Variants in GABBR2 observed in about 807,000 individuals in gnomAD.
GABBR2 encodes the protein gamma-aminobutyric acid type B receptor subunit 2.
Under a neutral mutation model 105.6 loss-of-function variants are expected in GABBR2, and 23 were observed. The observed-to-expected ratio is 0.22, with a 90% CI of 0.16 to 0.31. The LOEUF (loss-of-function observed/expected upper bound fraction) is 0.31. Among genes scored for constraint, GABBR2 ranks in the 10% least tolerant of loss-of-function variants. The pLI, the probability that GABBR2 is intolerant of heterozygous loss-of-function variation, is 1.00. For synonymous variants in GABBR2, 478 were observed against 499.7 expected (o/e 0.96, Z 0.58); for missense variants, 734 against 1,245.5 (o/e 0.59, Z 6.18).
chr9:98,494,157 G>A (rs1371302593), intron 4 of GABBR2, among the ~76,000 whole-genome samples: 3 of 152,194 alleles, frequency 2.0e-5, no homozygotes, highest in Admixed American at 6.5e-5. Flanking sequence ...GAAAGGCAAG[G>A]AAGAGCCCTA....
At chr9:98,324,075 C>A (rs191371645) in intron 13 of GABBR2, among the ~76,000 whole-genome samples, 10 of 152,292 alleles carry the variant, frequency 6.6e-5, no homozygotes, top group South Asian at 2.1e-4. Flanking sequence ...CTGGAACTTA[C>A]CCAAGCTCAC....
intron 1 of GABBR2, among the ~76,000 whole-genome samples, chr9:98,643,170 G>A (rs1829989163): frequency 6.6e-6 from 1 of 152,256 alleles, no homozygotes; most frequent in Non-Finnish European, 1.5e-5. Context: ...TGGGCACTCG[G>A]AGGGGAGAGG....
intron 1 of GABBR2, among the ~76,000 whole-genome samples, chr9:98,683,835 C>T (rs986830360): frequency 8.6e-5 from 13 of 151,542 alleles, no homozygotes; most frequent in South Asian, 4.2e-4. Context: ...CGGTGAAACC[C>T]GTCTCTACTA....
At chr9:98,351,605 T>A (rs1166201919) in intron 13 of GABBR2, among the ~76,000 whole-genome samples, 1 of 152,222 alleles carries the variant, frequency 6.6e-6, no homozygotes, top group Non-Finnish European at 1.5e-5. Flanking sequence ...TTTTTGAAGC[T>A]CTCAATTGTG....
intron 6 of GABBR2, among the ~76,000 whole-genome samples, chr9:98,455,109 T>A (rs1826303064): frequency 6.6e-6 from 1 of 152,192 alleles, no homozygotes; most frequent in South Asian, 2.1e-4. Context: ...TGCTATTCCA[T>A]CTACCTTCCA....
At chr9:98,487,512 T>G (rs967882525) in intron 4 of GABBR2, among the ~76,000 whole-genome samples, 2 of 152,132 alleles carry the variant, frequency 1.3e-5, no homozygotes, top group Admixed American at 6.5e-5. Context: ...CAGTGGCTCA[T>G]GCCTGTAATC....
rs73657140 is a variant in GABBR2, at chr9:98,328,468, A to G, written c.1894-17263T>C. The stretch of plus-strand genomic sequence containing the variant: ...TTTTAGAAATGGGAACTGGGCCCGC[A>G]TATGCCAATGAGCAAGGCAAAATGG... On this transcript the variant is annotated intron_variant, in intron 13 of 18. Coordinates refer to ENST00000259455, the MANE Select transcript of GABBR2 (RefSeq NM_005458.8). 9.9e-3 allele frequency among the ~76,000 whole-genome samples: 1,506 copies of G among 152,308 alleles called. 26 individuals are homozygous for G. The highest frequency in any genetic ancestry group is 0.034 in the African/African-American group (1,398 of 41,562).
At chr9:98,371,601 A>C in intron 11 of GABBR2, 30 bp from the exon 12 acceptor site, 1 of 1,248,662 alleles carries the variant, frequency 8.0e-7, no homozygotes, top group Non-Finnish European at 1.2e-6. Flanking sequence ...AGAGGCATTG[A>C]CCTTCCTTAG....
At chr9:98,695,708 C>T (rs984694392) in intron 1 of GABBR2, among the ~76,000 whole-genome samples, 8 of 152,166 alleles carry the variant, frequency 5.3e-5, no homozygotes, top group Non-Finnish European at 8.8e-5. Flanking sequence ...CAGGTCAACC[C>T]TCAAAATAAC....
At position 98,378,405 on chromosome 9, in the gene GABBR2, G is replaced by C. The variant is rs1366908304; in HGVS notation, c.1663-6834C>G. Reference sequence around the variant, plus strand: ...CCTGCTTCCCGAGGTTCGAGGGTGGGGGCCACAATCCAGTGTCTTCCAGCC... The same window carrying C: ...CCTGCTTCCCGAGGTTCGAGGGTGGCGGCCACAATCCAGTGTCTTCCAGCC... On this transcript the variant is annotated intron_variant, in intron 11 of 18. Coordinates refer to ENST00000259455, the MANE Select transcript of GABBR2 (RefSeq NM_005458.8). 2.6e-5 allele frequency among the ~76,000 whole-genome samples: 4 copies of C among 152,274 alleles called. No homozygotes were observed. In the South Asian group the frequency reaches 8.3e-4, roughly 32 times the overall value.
intron 13 of GABBR2, among the ~76,000 whole-genome samples, chr9:98,342,281 T>C (rs1297288785): frequency 6.6e-6 from 1 of 151,798 alleles, no homozygotes; most frequent in East Asian, 1.9e-4. Context: ...GGGTAGAAGG[T>C]GCGCAGGCAT....
intron 2 of GABBR2, among the ~76,000 whole-genome samples, chr9:98,575,749 T>C (rs1221985939): frequency 6.6e-6 from 1 of 152,108 alleles, no homozygotes; most frequent in East Asian, 1.9e-4. Context: ...TTCAGGTGTG[T>C]GGTTAGGTTT....
chr9:98,344,543 C>T (rs1044574959), intron 13 of GABBR2, among the ~76,000 whole-genome samples: 2 of 151,966 alleles, frequency 1.3e-5, no homozygotes, highest in Non-Finnish European at 2.9e-5. Flanking sequence ...GGGCATTTGT[C>T]TCTGGAGCCC....
At chr9:98,412,784 T>C (rs1272912346) in intron 7 of GABBR2, among the ~76,000 whole-genome samples, 3 of 152,324 alleles carry the variant, frequency 2.0e-5, no homozygotes, top group South Asian at 2.1e-4. Context: ...CTGTAGGTCA[T>C]GCGACCCCCA....
intron 1 of GABBR2, among the ~76,000 whole-genome samples, 190 bp from the exon 2 acceptor site, chr9:98,578,262 C>T (rs1828949002): frequency 6.6e-6 from 1 of 152,164 alleles, no homozygotes; most frequent in Non-Finnish European, 1.5e-5. Context: ...CACCCACTAT[C>T]CTGTCTCTGC....
rs1826328864 is a variant in GABBR2, at chr9:98,456,553, C to T, written c.1000-2336G>A. Among the ~76,000 whole-genome samples, 3 of 152,180 alleles carry T rather than the reference C, an allele frequency of 2.0e-5. No homozygotes were observed. The South Asian group carries it at 6.2e-4, about 32-fold the overall frequency. ...GGTCGGAGATGTGATCTGTCTTGAT[C>T]ACTGAGGTACCACCAGAATCTCAAA... On this transcript the variant is annotated intron_variant, in intron 6 of 18. Coordinates refer to ENST00000259455, the MANE Select transcript of GABBR2 (RefSeq NM_005458.8).
chr9:98,476,334 TA>T (rs1564084855), intron 5 of GABBR2, among the ~76,000 whole-genome samples: 1 of 152,238 alleles, frequency 6.6e-6, no homozygotes, highest in Non-Finnish European at 1.5e-5. Flanking sequence ...ACATTTTATT[TA>T]GAACATTAGT....
chr9:98,413,739 T>A (rs2131542711), intron 7 of GABBR2, among the ~76,000 whole-genome samples: 1 of 152,198 alleles, frequency 6.6e-6, no homozygotes, highest in South Asian at 2.1e-4. Context: ...GTAGTGACCC[T>A]CCACAAAGCA....
At chr9:98,675,908 G>A (rs1187582337) in intron 1 of GABBR2, among the ~76,000 whole-genome samples, 1 of 152,160 alleles carries the variant, frequency 6.6e-6, no homozygotes. Context: ...ACACTCCTCT[G>A]ACATCCTTTC....
Sources: allele counts gnomAD v4.1 joint callset (sites outside exome capture counted in the v4.1 genomes callset), GRCh38; gene constraint gnomAD v4.1.1; transcripts MANE v1.5; gene names NCBI Gene and HGNC (gene_info 2026-07-23, HGNC 2026-07-21).